The following RTL1 variants were observed in gnomAD, a reference collection of about 807,000 sequenced individuals.
RTL1 encodes retrotransposon Gag like 1, also known as retrotransposon-like protein 1.
For synonymous variants in RTL1, 727 were observed against 748.4 expected (o/e 0.97, Z 0.47); for missense variants, 1,681 against 1,767.5 (o/e 0.95, Z 0.88).
Position 100,883,248 on chromosome 14 carries a change from G to A in RTL1, c.1541C>T (p.Pro514Leu), listed in dbSNP as rs1317120104. 6.4e-7 allele frequency: 1 copy of A among 1,551,732 alleles called. No homozygotes were observed. The highest frequency in any genetic ancestry group is 2.4e-5 in the East Asian group (1 of 40,912). Reference protein sequence around the residue: ...LGIRWLRVHAPEVDWIKGRCT... With the variant: ...LGIRWLRVHALEVDWIKGRCT... ...GCGGCCTTTGATCCAGTCGACTTCG[G>A]GGGCGTGGACTCGGAGCCAGCGGAT... Residue 514 changes from proline to leucine, a missense_variant, in exon 4 of 4, where the codon CCC (proline) becomes CTC (leucine). Coordinates refer to ENST00000649591, the MANE Select transcript of RTL1 (RefSeq NM_001134888.3). This position sits in a 1 kb window ranked among gnomAD's most constrained non-coding sequence, Gnocchi z 5.9.
intron 2 of RTL1, among the ~76,000 whole-genome samples, chr14:100,900,910 C>CACCAACAAAA (rs892333927): frequency 6.6e-6 from 1 of 152,204 alleles, no homozygotes; most frequent in Non-Finnish European, 1.5e-5. Context: ...AAAACAACAG[C>CACCAACAAAA]ACCAACAAAA....
chr14:100,880,632 GC>G lies in RTL1; in HGVS notation c.*79del. The G allele has an allele frequency of 1.3e-6, 2 of 1,524,574 alleles. No homozygotes were observed. Among genetic ancestry groups the G allele is most frequent in the Non-Finnish European group, 1.8e-6 (2 of 1,134,582 alleles). 94.4% of individuals were successfully genotyped at this position (1,524,574 alleles called of 1,614,324 possible). ...AGGAAGGGAAGCGAAGCAGGCTGAG[GC>G]GCGGGGAGGCCAGGGGACGTCGGGA... On this transcript the variant is annotated 3_prime_UTR_variant, in exon 4 of 4. Coordinates refer to ENST00000649591, the MANE Select transcript of RTL1 (RefSeq NM_001134888.3).
intron 2 of RTL1, among the ~76,000 whole-genome samples, chr14:100,896,954 A>C (rs1269651172): frequency 6.6e-6 from 1 of 152,078 alleles, no homozygotes; most frequent in Admixed American, 6.6e-5. Context: ...CTCCAAGAAC[A>C]CCGGCCAGGG....
intron 2 of RTL1, among the ~76,000 whole-genome samples, chr14:100,899,985 A>C (rs1460228856): frequency 6.6e-6 from 1 of 152,236 alleles, no homozygotes; most frequent in East Asian, 1.9e-4. Context: ...CCTCCCTCCC[A>C]GACATCTTCC....
Position 100,883,770 on chromosome 14 carries a change from C to G in RTL1, c.1019G>C (p.Arg340Pro). 6.4e-7 allele frequency: 1 copy of G among 1,551,640 alleles called. No homozygotes were observed. Residue 340 changes from arginine (R) to proline (P), a missense_variant, in exon 4 of 4, where the codon CGG becomes CCG. Arg to Pro is a moderately radical substitution (Grantham distance 103). Transcript: ENST00000649591. The surrounding 1 kb of genome is among the most constrained non-coding windows in gnomAD (Gnocchi z 5.9). ...LNEEIRHYLF[R>P]VPQPDSLDSL... is the part of the protein sequence containing the mutation. ...GTCTAGGGAATCCGGCTGAGGGACC[C>G]GGAATAGATAGTGCCTGATCTCCTC...
In RTL1 at chr14:100,881,919, A is replaced by G. The variant is rs1288917047; in HGVS notation, c.2870T>C (p.Leu957Pro). ...AAGTACGGTGAGCCTGTCATTATTC[A>G]GAGAGGCTAGATCCTCTGTGTTGAG... is the stretch of plus-strand genomic sequence containing the variant. ...ILLNTEDLAS[L>P]NNDRLTVLLP... The change falls in exon 4 of 4, where the codon CTG (leucine) becomes CCG (proline). Residue 957 changes from leucine (L) to proline (P), a missense_variant. By Grantham distance (98) the Leu-to-Pro change is moderately conservative. Coordinates refer to ENST00000649591, the MANE Select transcript of RTL1 (RefSeq NM_001134888.3). The surrounding 1 kb of genome is among the most constrained non-coding windows in gnomAD (Gnocchi z 6.6). The G allele has an allele frequency of 6.2e-7, 1 of 1,613,618 alleles. No individual in the cohort carries two copies. Among genetic ancestry groups the G allele is most frequent in the South Asian group, 1.1e-5 (1 of 91,082 alleles).
chr14:100,882,345 A>C lies in RTL1; in HGVS notation c.2444T>G (p.Phe815Cys), dbSNP rs1184157639. 1 of 1,551,666 alleles carries C rather than the reference A, an allele frequency of 6.4e-7. No homozygotes were observed. Among genetic ancestry groups the C allele is most frequent in the Non-Finnish European group, 8.7e-7 (1 of 1,146,990 alleles). The change falls in exon 4 of 4, where the codon TTC becomes TGC. Residue 815 changes from phenylalanine to cysteine, a missense_variant. By Grantham distance (205) the Phe-to-Cys change is radical (BLOSUM62 -2). Transcript: ENST00000649591. ...SKLSLRNFIEFVFPYRHFVER... is the reference protein window; with the variant it reads ...SKLSLRNFIECVFPYRHFVER... Reference sequence around the variant, plus strand: ...CACGAAGTGGCGGTAGGGGAAGACGAATTCGATGAAGTTTCGCAGAGATAG... The same window carrying C: ...CACGAAGTGGCGGTAGGGGAAGACGCATTCGATGAAGTTTCGCAGAGATAG...
chr14:100,887,233 G>C (rs1242546969), intron 3 of RTL1, among the ~76,000 whole-genome samples: 2 of 152,062 alleles, frequency 1.3e-5, no homozygotes, highest in South Asian at 2.1e-4. Flanking sequence ...AAACCTCTTC[G>C]CATGATATAA....
rs2038583233 is a variant in RTL1 at position 100,879,946 on chromosome 14, C to G, written c.*766G>C. Among the ~76,000 whole-genome samples the G allele has an allele frequency of 6.6e-6, 1 of 151,942 alleles. No homozygotes were observed. Among genetic ancestry groups the G allele is most frequent in the Non-Finnish European group, 1.5e-5 (1 of 67,986 alleles). On this transcript the variant is annotated 3_prime_UTR_variant, in exon 4 of 4. Transcript: ENST00000649591. ...TATGAGGGGCCCCTGCACCCCTGCACTGTCCAGTGTTCAGTGTTGGGAGGG... is the reference window on the plus strand; with the variant it reads ...TATGAGGGGCCCCTGCACCCCTGCAGTGTCCAGTGTTCAGTGTTGGGAGGG...
In RTL1 at chr14:100,884,613, G is replaced by A; in HGVS notation, c.176C>T (p.Pro59Leu). The change falls in exon 4 of 4, where the codon CCC becomes CTC. Residue 59 changes from proline to leucine, a missense_variant. Pro to Leu is a moderately conservative substitution (Grantham distance 98). Transcript: ENST00000649591. Reference sequence around the variant, plus strand: ...TTCCATTTCCTGGAGTGGGCCACTGGGGGGCTCCTTCTTTTCCTGGGCTGG... The same window carrying A: ...TTCCATTTCCTGGAGTGGGCCACTGAGGGGCTCCTTCTTTTCCTGGGCTGG... ...SGPAQEKKEP[P>L]SGPLQEMEEL... 1.9e-6 allele frequency: 3 copies of A among 1,613,856 alleles called. No individual in the cohort carries two copies. Among genetic ancestry groups the A allele is most frequent in the Non-Finnish European group, 2.5e-6 (3 of 1,179,924 alleles).
intron 2 of RTL1, among the ~76,000 whole-genome samples, chr14:100,900,158 T>A (rs1310428961): frequency 6.6e-6 from 1 of 152,238 alleles, no homozygotes; most frequent in Non-Finnish European, 1.5e-5. Context: ...GCTCATATTT[T>A]ACAGACTTTG....
At chr14:100,888,867 C>T (rs776871997) in intron 3 of RTL1, among the ~76,000 whole-genome samples, 1 of 152,108 alleles carries the variant, frequency 6.6e-6, no homozygotes, top group Non-Finnish European at 1.5e-5. Context: ...TTAATCACAC[C>T]TCCTAGGCAA....
chr14:100,901,070 C>A (rs79084266), intron 2 of RTL1, among the ~76,000 whole-genome samples: 247 of 152,290 alleles, frequency 1.6e-3, no homozygotes, highest in African/African-American at 5.4e-3. Flanking sequence ...GCTGCCCCCC[C>A]ACGGCGGGTC....
chr14:100,899,971 C>T (rs1370193065), intron 2 of RTL1, among the ~76,000 whole-genome samples: 2 of 152,196 alleles, frequency 1.3e-5, no homozygotes, highest in Non-Finnish European at 2.9e-5. Context: ...AAAGCTGATG[C>T]TCGCCTCCCT....
chr14:100,891,563 G>A (rs1411334095), intron 3 of RTL1, among the ~76,000 whole-genome samples: 1 of 152,210 alleles, frequency 6.6e-6, no homozygotes, highest in African/African-American at 2.4e-5. Context: ...CTGTGTCCCT[G>A]CCCCCTCTAT....
chr14:100,897,934 G>A (rs754120066), intron 2 of RTL1: 4 of 515,910 alleles, frequency 7.8e-6, no homozygotes, highest in Non-Finnish European at 1.2e-5. Flanking sequence ...CCAATGATGA[G>A]ACAGTGTTTA....
At chr14:100,901,940 C>T (rs1595347593) in intron 2 of RTL1, among the ~76,000 whole-genome samples, 1 of 152,344 alleles carries the variant, frequency 6.6e-6, no homozygotes, top group East Asian at 1.9e-4. Flanking sequence ...TGACCCCTGC[C>T]TGGTCCCCTC....
Position 100,882,193 on chromosome 14 carries a change from G to T in RTL1, c.2596C>A (p.Leu866Ile). The T allele has an allele frequency of 6.4e-7, 1 of 1,550,578 alleles. No individual in the cohort carries two copies. Residue 866 changes from leucine (L) to isoleucine (I), a missense_variant, in exon 4 of 4, where the codon CTC (leucine) becomes ATC (isoleucine). Coordinates refer to ENST00000649591, the MANE Select transcript of RTL1 (RefSeq NM_001134888.3). ...LKRAFRKAPL[L>I]HHPKPQNPFY... ...GGGTTCTGGGGCTTGGGGTGGTGGA[G>T]GAGAGGCGCCTTGCGGAAAGCCCTC...
rs2038582941 is a variant in RTL1, at chr14:100,879,923, T to A, written c.*789A>T. On this transcript the variant is annotated 3_prime_UTR_variant, in exon 4 of 4. Transcript: ENST00000649591. ...TGCCTTCTGGGACTCCATCCCTGTATGAGGGGCCCCTGCACCCCTGCACTG... is the reference window on the plus strand; with the variant it reads ...TGCCTTCTGGGACTCCATCCCTGTAAGAGGGGCCCCTGCACCCCTGCACTG... Among the ~76,000 whole-genome samples, 1 of 151,912 alleles carries A rather than the reference T, an allele frequency of 6.6e-6. No individual in the cohort carries two copies. The highest frequency in any genetic ancestry group is 2.4e-5 in the African/African-American group (1 of 41,346).
Sources: allele counts gnomAD v4.1 joint callset (sites outside exome capture counted in the v4.1 genomes callset), GRCh38; gene constraint gnomAD v4.1.1; non-coding constraint Gnocchi (gnomAD v3.1); transcripts MANE v1.5; gene names NCBI Gene and HGNC (gene_info 2026-07-23, HGNC 2026-07-21).